Variants in HNF4G observed in about 807,000 individuals in gnomAD.
The protein encoded by HNF4G is hepatocyte nuclear factor 4 gamma, also known as hepatocyte nuclear factor 4-gamma.
A neutral mutation model predicts 50.9 loss-of-function variants in HNF4G; 21 were observed. The observed-to-expected ratio is 0.41, with a 90% CI of 0.29 to 0.59. The LOEUF is 0.59. Among genes scored for constraint, HNF4G ranks in the 20% least tolerant of loss-of-function variants. HNF4G has a pLI of 0.26. For synonymous variants in HNF4G, 198 were observed against 185.6 expected, an observed-to-expected ratio of 1.07 and a Z score of -0.54; for missense variants, 527 against 559.4, an observed-to-expected ratio of 0.94 and a Z score of 0.58.
At chr8:75,561,405 G>C (rs944918106) in intron 9 of HNF4G, among the ~76,000 whole-genome samples, 1 of 152,024 alleles carries the variant, frequency 6.6e-6, no homozygotes, top group African/African-American at 2.4e-5. Context: ...ATTCCTTTCT[G>C]CACTTCCACT....
intron 2 of HNF4G, among the ~76,000 whole-genome samples, chr8:75,525,699 G>A (rs1276435301): frequency 2.0e-5 from 3 of 152,034 alleles, no homozygotes; most frequent in Non-Finnish European, 4.4e-5. Flanking sequence ...GACACAAAAC[G>A]CACTCTAAGA....
chr8:75,408,540 TG>T (rs1394125450), intron 1 of HNF4G, among the ~76,000 whole-genome samples: 1 of 152,120 alleles, frequency 6.6e-6, no homozygotes, highest in Non-Finnish European at 1.5e-5. Flanking sequence ...GTGATGCCGT[TG>T]GGGGATATTT....
chr8:75,531,826 A>AG (rs1806334476), intron 2 of HNF4G, among the ~76,000 whole-genome samples: 2 of 152,124 alleles, frequency 1.3e-5, no homozygotes, highest in Non-Finnish European at 2.9e-5. Flanking sequence ...TGAGCATCTG[A>AG]GGATTTTGGT....
chr8:75,476,612 T>A (rs537292097), intron 1 of HNF4G, among the ~76,000 whole-genome samples: 2 of 152,312 alleles, frequency 1.3e-5, no homozygotes, highest in South Asian at 4.1e-4. Flanking sequence ...TTTTTAAAAT[T>A]TGTTGTTGTT....
chr8:75,515,689 C>T (rs866427676), intron 2 of HNF4G, among the ~76,000 whole-genome samples: 1 of 152,010 alleles, frequency 6.6e-6, no homozygotes, highest in African/African-American at 2.4e-5. Flanking sequence ...AGAATAAATT[C>T]ACCTTTTCTC....
At chr8:75,552,426 A>G (rs1806985236) in intron 4 of HNF4G, among the ~76,000 whole-genome samples, 1 of 152,162 alleles carries the variant, frequency 6.6e-6, no homozygotes, top group South Asian at 2.1e-4. Context: ...TATTACTTAT[A>G]TTTTTATATA....
intron 1 of HNF4G, among the ~76,000 whole-genome samples, chr8:75,448,372 A>G (rs1190700692): frequency 1.4e-5 from 2 of 148,018 alleles, no homozygotes; most frequent in African/African-American, 5.0e-5. Flanking sequence ...TGGCACATGT[A>G]TACATATGTA....
intron 1 of HNF4G, among the ~76,000 whole-genome samples, chr8:75,423,489 T>C (rs551362276): frequency 9.3e-5 from 14 of 151,252 alleles, no homozygotes; most frequent in African/African-American, 2.9e-4. Context: ...CCCAGGTTCA[T>C]GCCATTCTCC....
upstream of HNF4G, among the ~76,000 whole-genome samples, chr8:75,539,124 T>C (rs1005117716): frequency 2.9e-5 from 3 of 104,166 alleles, no homozygotes; most frequent in Non-Finnish European, 4.4e-5. Flanking sequence ...TAGATGAGGA[T>C]TGATGATAGG....
intron 1 of HNF4G, among the ~76,000 whole-genome samples, chr8:75,449,607 C>G (rs969538124): frequency 1.5e-4 from 23 of 150,232 alleles, no homozygotes; most frequent in African/African-American, 5.6e-4. Flanking sequence ...CCAGGGTTCA[C>G]GCCATTCTCC....
intron 1 of HNF4G, among the ~76,000 whole-genome samples, chr8:75,456,123 G>A (rs919365570): frequency 2.6e-5 from 4 of 151,950 alleles, no homozygotes; most frequent in Non-Finnish European, 5.9e-5. Flanking sequence ...TTATAAACCT[G>A]TCCAGAGCTT....
chr8:75,431,677 C>T (rs997842445), intron 1 of HNF4G, among the ~76,000 whole-genome samples: 3 of 152,080 alleles, frequency 2.0e-5, no homozygotes, highest in Non-Finnish European at 4.4e-5. Flanking sequence ...CCTGTAATCC[C>T]AGCACTTTGG....
At chr8:75,486,266 A>G (rs1258980122) in intron 1 of HNF4G, among the ~76,000 whole-genome samples, 1 of 152,146 alleles carries the variant, frequency 6.6e-6, no homozygotes, top group East Asian at 1.9e-4. Context: ...TTGGCCAAAT[A>G]ATTTTCCCTT....
intron 1 of HNF4G, among the ~76,000 whole-genome samples, chr8:75,482,426 G>A (rs545712514): frequency 1.3e-5 from 2 of 152,152 alleles, no homozygotes; most frequent in East Asian, 3.9e-4. Context: ...AAGTGCAGTG[G>A]CACAATCTTT....
At chr8:75,555,867 GT>G (rs1375247846) in intron 5 of HNF4G, 114 bp from the exon 6 acceptor site, 1 of 502,982 alleles carries the variant, frequency 2.0e-6, no homozygotes, top group Non-Finnish European at 3.5e-6. Flanking sequence ...GAATACTATA[GT>G]TTGTTAAACA....
chr8:75,502,482 C>A (rs1399800672), intron 2 of HNF4G, among the ~76,000 whole-genome samples: 4 of 152,008 alleles, frequency 2.6e-5, no homozygotes, highest in Admixed American at 1.3e-4. Context: ...AAGAAAATAG[C>A]AAACAGCCTA....
At chr8:75,414,706 G>T (rs879423237) in intron 1 of HNF4G, among the ~76,000 whole-genome samples, 6 of 152,116 alleles carry the variant, frequency 3.9e-5, no homozygotes, top group Admixed American at 2.0e-4. Flanking sequence ...CATTTATTTG[G>T]TTGCATGTAT....
intron 1 of HNF4G, among the ~76,000 whole-genome samples, chr8:75,485,331 C>A (rs982933983): frequency 1.3e-5 from 2 of 152,110 alleles, no homozygotes; most frequent in African/African-American, 2.4e-5. Context: ...AGAGTTTCCA[C>A]TCATCAAAAG....
chr8:75,419,948 G>A (rs1394715656), intron 1 of HNF4G, among the ~76,000 whole-genome samples: 1 of 152,050 alleles, frequency 6.6e-6, no homozygotes, highest in Non-Finnish European at 1.5e-5. Context: ...ATCTTCAGTT[G>A]AACAACATAT....
Sources: allele counts gnomAD v4.1 joint callset (sites outside exome capture counted in the v4.1 genomes callset), GRCh38; gene constraint gnomAD v4.1.1; transcripts MANE v1.5; gene names NCBI Gene and HGNC (gene_info 2026-07-23, HGNC 2026-07-21).